Variants in SPAG16 observed in about 807,000 individuals in gnomAD.
SPAG16 encodes sperm-associated antigen 16 protein.
A neutral mutation model predicts 80.4 loss-of-function variants in SPAG16; 86 were observed. The ratio of observed to expected loss-of-function variants is 1.07; its 90% confidence interval spans 0.90 to 1.28. The LOEUF is 1.28. SPAG16 is among the 50% of genes most tolerant of loss of function. The probability of loss-of-function intolerance (pLI) is 0.00; values close to 1 mark genes in which losing one functional copy is unlikely to be tolerated. For synonymous variants in SPAG16, 294 were observed against 265.9 expected (o/e 1.11, Z -1.03); for missense variants, 870 against 765.3 (o/e 1.14, Z -1.61).
Position 213,425,320 on chromosome 2 carries a change from CA to C in SPAG16, c.942+50208del, listed in dbSNP as rs1034937578. 2.7e-5 allele frequency among the ~76,000 whole-genome samples: 4 copies of C among 149,320 alleles called. No individual in the cohort carries two copies. In the Admixed American group the frequency reaches 2.7e-4, roughly 10 times the overall value. On this transcript the variant is annotated intron_variant, in intron 9 of 15. Coordinates refer to ENST00000331683, the MANE Select transcript of SPAG16 (RefSeq NM_024532.5). Reference sequence around the variant, plus strand: ...GGGTGAGAGAGTGAGACTCCGTCTCCAAAAAAAGAATGTGTGGCAATACTAC... The same window carrying C: ...GGGTGAGAGAGTGAGACTCCGTCTCCAAAAAAGAATGTGTGGCAATACTAC...
intron 1 of SPAG16, among the ~76,000 whole-genome samples, chr2:213,286,424 T>C (rs2062059123): frequency 6.6e-6 from 1 of 152,230 alleles, no homozygotes; most frequent in Non-Finnish European, 1.5e-5. Flanking sequence ...TGAGGATTAC[T>C]TGTGAATACC....
chr2:213,827,991 T>C (rs1472612383), intron 10 of SPAG16, among the ~76,000 whole-genome samples: 7 of 152,156 alleles, frequency 4.6e-5, no homozygotes, highest in Non-Finnish European at 7.4e-5. Flanking sequence ...TGAGGTAGTC[T>C]TCTTTGGGTT....
At chr2:213,478,697 A>AT (rs1168773644) in intron 9 of SPAG16, among the ~76,000 whole-genome samples, 2 of 152,088 alleles carry the variant, frequency 1.3e-5, no homozygotes, top group Non-Finnish European at 2.9e-5. Flanking sequence ...ACATTAATTC[A>AT]TTTTTTTGAA....
At chr2:213,516,108 A>G (rs529773900) in intron 10 of SPAG16, among the ~76,000 whole-genome samples, 36 of 152,324 alleles carry the variant, frequency 2.4e-4, no homozygotes, top group Non-Finnish European at 4.7e-4. Flanking sequence ...TGTTACCCCC[A>G]GTGTTGGCAT....
intron 15 of SPAG16, among the ~76,000 whole-genome samples, chr2:214,176,928 G>A (rs1411285373): frequency 7.3e-5 from 11 of 150,894 alleles, no homozygotes; most frequent in Non-Finnish European, 1.3e-4. Context: ...TATCTCCGGA[G>A]CCAGAATTTT....
At chr2:214,261,899 C>T (rs1161945573) in intron 15 of SPAG16, among the ~76,000 whole-genome samples, 2 of 152,070 alleles carry the variant, frequency 1.3e-5, no homozygotes, top group Non-Finnish European at 2.9e-5. Flanking sequence ...TAGCATAGAT[C>T]ATCTGTCTAA....
chr2:213,367,925 A>C (rs2066405713), intron 8 of SPAG16, among the ~76,000 whole-genome samples: 1 of 143,624 alleles, frequency 7.0e-6, no homozygotes, highest in African/African-American at 2.6e-5. Context: ...TTTTAGGTCT[A>C]ACATTTAAGT....
At chr2:213,519,599 C>G (rs1194127748) in intron 10 of SPAG16, among the ~76,000 whole-genome samples, 1 of 152,154 alleles carries the variant, frequency 6.6e-6, no homozygotes, top group Non-Finnish European at 1.5e-5. Flanking sequence ...AAAGCTCTGT[C>G]TTTTGTAAAT....
chr2:213,665,634 C>T (rs1317555601), intron 10 of SPAG16, among the ~76,000 whole-genome samples: 1 of 152,114 alleles, frequency 6.6e-6, no homozygotes, highest in Admixed American at 6.6e-5. Context: ...TCCTGAAGAT[C>T]TCTGGTCACA....
Position 214,299,536 on chromosome 2 carries a change from C to T in SPAG16, c.1721-110604C>T, listed in dbSNP as rs556401559. On this transcript the variant is annotated intron_variant, in intron 15 of 15. Coordinates refer to ENST00000331683, the MANE Select transcript of SPAG16 (RefSeq NM_024532.5). The stretch of plus-strand genomic sequence containing the variant: ...TGCTGGGATTACAGGCATGAGCCAC[C>T]GTGCCCAGCCTATACTTCTGTGTAC... 1.6e-3 allele frequency among the ~76,000 whole-genome samples: 249 copies of T among 152,082 alleles called. 1 individual carries two copies. Among genetic ancestry groups the T allele is most frequent in the African/African-American group, 5.3e-3 (220 of 41,510 alleles).
rs552173426 is a variant in SPAG16, at chr2:213,982,084, T to C, written c.1401-31867T>C. On this transcript the variant is annotated intron_variant, in intron 12 of 15. Coordinates refer to ENST00000331683, the MANE Select transcript of SPAG16 (RefSeq NM_024532.5). ...TGAACTGTAACAAATATGTCCTTAG[T>C]GAAATATAAAATGATGTTGTTATAA... is the stretch of plus-strand genomic sequence containing the variant. Among the ~76,000 whole-genome samples, 5 of 151,908 alleles carry C rather than the reference T, an allele frequency of 3.3e-5. No homozygotes were observed. In the East Asian group the frequency reaches 9.6e-4, roughly 29 times the overall value.
At chr2:213,449,001 T>A (rs111729705) in intron 9 of SPAG16, among the ~76,000 whole-genome samples, 3,563 of 152,134 alleles carry the variant, frequency 0.023, 59 homozygotes, top group African/African-American at 0.038. Flanking sequence ...CTATAAACAG[T>A]TGTGCAAGTA....
chr2:213,666,018 G>C (rs967245476), intron 10 of SPAG16, among the ~76,000 whole-genome samples: 2 of 152,158 alleles, frequency 1.3e-5, no homozygotes, highest in Non-Finnish European at 2.9e-5. Flanking sequence ...ACCTTAGTTA[G>C]AAACATGTGG....
At chr2:214,162,045 G>A (rs937135945) in intron 15 of SPAG16, among the ~76,000 whole-genome samples, 7 of 151,990 alleles carry the variant, frequency 4.6e-5, no homozygotes, top group African/African-American at 1.7e-4. Context: ...AATCCGAGGT[G>A]CAAGGGAGTG....
intron 10 of SPAG16, among the ~76,000 whole-genome samples, chr2:213,691,918 T>C (rs2125297459): frequency 6.6e-6 from 1 of 152,294 alleles, no homozygotes; most frequent in Admixed American, 6.5e-5. Flanking sequence ...AAGGCGGTAG[T>C]CTATCCTAAA....
chr2:214,274,887 G>T (rs559858802), intron 15 of SPAG16, among the ~76,000 whole-genome samples: 3 of 152,192 alleles, frequency 2.0e-5, no homozygotes, highest in South Asian at 2.1e-4. Flanking sequence ...GCTCCTCTTT[G>T]TACCTCTAGT....
chr2:213,980,747 G>A (rs1274463205), intron 12 of SPAG16, among the ~76,000 whole-genome samples: 1 of 143,628 alleles, frequency 7.0e-6, no homozygotes, highest in Non-Finnish European at 1.5e-5. Flanking sequence ...GAGAGAGAGA[G>A]AGAGAGAGAG....
At chr2:213,925,898 T>C (rs1032416199) in intron 11 of SPAG16, among the ~76,000 whole-genome samples, 3 of 152,166 alleles carry the variant, frequency 2.0e-5, no homozygotes, top group African/African-American at 7.2e-5. Flanking sequence ...CCCTCCTTTT[T>C]TTCTTATAAT....
Position 214,410,280 on chromosome 2 carries a change from G to A in SPAG16, c.1861G>A (p.Gly621Arg), listed in dbSNP as rs1008079179. The change falls in exon 16 of 16, where the codon GGA (glycine) becomes AGA (arginine). Residue 621 changes from glycine to arginine, a missense_variant. Transcript: ENST00000331683. ...FSHDGEILFS[G>R]GSDGTVRTWS ...TCACGACGGGGAGATTCTCTTTTCT[G>A]GAGGCTCTGACGGCACAGTTCGAAC... 14 of 1,609,040 alleles carry A rather than the reference G, an allele frequency of 8.7e-6. No homozygotes were observed. The African/African-American group carries it at 1.6e-4, about 18-fold the overall frequency.
Sources: gnomAD v4.1 joint callset for allele counts (sites outside exome capture counted in the v4.1 genomes callset) on GRCh38, gnomAD v4.1.1 for gene constraint, MANE v1.5 for transcripts, NCBI Gene and HGNC (gene_info 2026-07-23, HGNC 2026-07-21) for gene names.